Variants in FBXL17 observed in about 807,000 individuals in gnomAD.
FBXL17 encodes the protein F-box/LRR-repeat protein 17.
In FBXL17, 22 loss-of-function variants were observed where a neutral mutation model predicts 66.2. That is an observed-to-expected ratio of 0.33 (90% confidence interval 0.24 to 0.47). The LOEUF (loss-of-function observed/expected upper bound fraction) is 0.47. FBXL17 is among the 20% of genes least tolerant of loss of function. The pLI is 1.00. For synonymous variants in FBXL17, 474 were observed against 400.5 expected (o/e 1.18, Z -2.19); for missense variants, 878 against 948.2 (o/e 0.93, Z 0.97).
intron 6 of FBXL17, among the ~76,000 whole-genome samples, chr5:108,184,317 G>GT (rs933190271): frequency 2.6e-5 from 4 of 151,618 alleles, no homozygotes; most frequent in African/African-American, 7.3e-5. Flanking sequence ...TCGTTTTTTT[G>GT]TTTTTTTGAG....
chr5:108,044,507 T>C (rs919324585), intron 6 of FBXL17, among the ~76,000 whole-genome samples: 5 of 152,196 alleles, frequency 3.3e-5, no homozygotes, highest in African/African-American at 4.8e-5. Flanking sequence ...CAGTTGGCCA[T>C]AGTGCATGAT....
chr5:108,090,973 G>C (rs1561405077), intron 6 of FBXL17, among the ~76,000 whole-genome samples: 2 of 152,268 alleles, frequency 1.3e-5, no homozygotes, highest in South Asian at 4.1e-4. Flanking sequence ...TATTTAACTT[G>C]TGCCACTAAG....
intron 7 of FBXL17, among the ~76,000 whole-genome samples, chr5:107,968,178 T>G (rs1752227796): frequency 6.6e-6 from 1 of 152,130 alleles, no homozygotes; most frequent in South Asian, 2.1e-4. Context: ...CAGGTGGGTA[T>G]CCTTGGAGTC....
chr5:107,961,386 G>A (rs184549837), intron 7 of FBXL17, among the ~76,000 whole-genome samples: 4 of 151,656 alleles, frequency 2.6e-5, no homozygotes, highest in Admixed American at 2.6e-4. Context: ...CACCAGGCCT[G>A]GCTAATTTTT....
chr5:108,345,621 A>G (rs1459433745), intron 4 of FBXL17, among the ~76,000 whole-genome samples: 3 of 151,132 alleles, frequency 2.0e-5, no homozygotes, highest in Non-Finnish European at 4.4e-5. Flanking sequence ...TTTCCCATTA[A>G]GGTCACATAA....
chr5:108,037,246 G>T lies in FBXL17; in HGVS notation c.1746-16245C>A, dbSNP rs183478571. On this transcript the variant is annotated intron_variant, in intron 6 of 8. Transcript: ENST00000542267. ...TATTATGGGTATTGAAAATTATAAAGTGCCATTAATTTCAAGAAACTCATT... is the reference window on the plus strand; with the variant it reads ...TATTATGGGTATTGAAAATTATAAATTGCCATTAATTTCAAGAAACTCATT... 3.0e-4 allele frequency among the ~76,000 whole-genome samples: 45 copies of T among 152,158 alleles called. 1 individual carries two copies. The highest frequency in any genetic ancestry group is 1.0e-3 in the African/African-American group (43 of 41,516).
intron 7 of FBXL17, among the ~76,000 whole-genome samples, chr5:107,958,424 G>A (rs958161930): frequency 2.0e-5 from 3 of 152,266 alleles, no homozygotes; most frequent in East Asian, 3.9e-4. Context: ...ACTGCAGCCA[G>A]CTAGAAAATT....
At chr5:108,316,422 A>C (rs1392504239) in intron 4 of FBXL17, among the ~76,000 whole-genome samples, 1 of 151,454 alleles carries the variant, frequency 6.6e-6, no homozygotes, top group Non-Finnish European at 1.5e-5. Context: ...CCTAAAAGAC[A>C]CTTAATTTAT....
chr5:108,351,803 A>G (rs2112494770), intron 3 of FBXL17, among the ~76,000 whole-genome samples: 1 of 152,362 alleles, frequency 6.6e-6, no homozygotes, highest in East Asian at 1.9e-4. Context: ...CGGAGAAATA[A>G]AAGAAGAGAA....
chr5:108,119,453 C>G (rs1750389281), intron 6 of FBXL17, among the ~76,000 whole-genome samples: 1 of 152,166 alleles, frequency 6.6e-6, no homozygotes, highest in South Asian at 2.1e-4. Context: ...GAAGTTCTTC[C>G]TAGCCTTGCT....
chr5:108,239,406 C>A (rs1308536453), intron 4 of FBXL17, among the ~76,000 whole-genome samples: 1 of 152,196 alleles, frequency 6.6e-6, no homozygotes, highest in African/African-American at 2.4e-5. Context: ...TGGGAAGAGA[C>A]AGTGCCATGA....
At chr5:108,096,142 C>A (rs1344017004) in intron 6 of FBXL17, among the ~76,000 whole-genome samples, 1 of 152,096 alleles carries the variant, frequency 6.6e-6, no homozygotes, top group Non-Finnish European at 1.5e-5. Flanking sequence ...ACACAAAATA[C>A]TCTGATTTTG....
At chr5:107,942,968 G>A (rs1446271947) in intron 7 of FBXL17, among the ~76,000 whole-genome samples, 3 of 152,022 alleles carry the variant, frequency 2.0e-5, no homozygotes, top group Non-Finnish European at 4.4e-5. Flanking sequence ...TCAGGTCCTC[G>A]TTTCACTGAA....
chr5:108,223,759 A>G (rs1754974619), intron 5 of FBXL17, among the ~76,000 whole-genome samples: 1 of 152,134 alleles, frequency 6.6e-6, no homozygotes, highest in South Asian at 2.1e-4. Flanking sequence ...CACTGACCAT[A>G]TTCACTTTTT....
At chr5:107,941,845 T>C (rs1011538375) in intron 7 of FBXL17, among the ~76,000 whole-genome samples, 2 of 152,204 alleles carry the variant, frequency 1.3e-5, no homozygotes, top group Non-Finnish European at 2.9e-5. Flanking sequence ...TGTGGCAGAA[T>C]ATAGCTAAAT....
chr5:108,171,826 G>A (rs1222422841), intron 6 of FBXL17, among the ~76,000 whole-genome samples: 1 of 151,982 alleles, frequency 6.6e-6, no homozygotes, highest in Non-Finnish European at 1.5e-5. Flanking sequence ...GGGAGGACTT[G>A]GTGGGAGGTA....
intron 8 of FBXL17, among the ~76,000 whole-genome samples, chr5:107,872,040 A>T (rs1405577897): frequency 1.3e-5 from 2 of 152,222 alleles, no homozygotes; most frequent in Non-Finnish European, 2.9e-5. Context: ...TAAAATTGCC[A>T]TTTCCATTAT....
At chr5:108,178,049 A>G (rs1561449207) in intron 6 of FBXL17, among the ~76,000 whole-genome samples, 1 of 151,536 alleles carries the variant, frequency 6.6e-6, no homozygotes, top group Non-Finnish European at 1.5e-5. Context: ...TTTTTGAGAC[A>G]GGGTCTTCCT....
intron 7 of FBXL17, among the ~76,000 whole-genome samples, chr5:107,970,212 T>G (rs929348996): frequency 6.6e-6 from 1 of 152,126 alleles, no homozygotes; most frequent in Non-Finnish European, 1.5e-5. Flanking sequence ...GGGCTCAGCA[T>G]GAACAAGAGG....
Sources: allele counts gnomAD v4.1 joint callset (sites outside exome capture counted in the v4.1 genomes callset), GRCh38; gene constraint gnomAD v4.1.1; transcripts MANE v1.5; gene names NCBI Gene and HGNC (gene_info 2026-07-23, HGNC 2026-07-21).